The following ZBTB20 variants were observed in gnomAD, a reference collection of about 807,000 sequenced individuals.
ZBTB20 encodes the protein zinc finger and BTB domain-containing protein 20.
A neutral mutation model predicts 56.9 loss-of-function variants in ZBTB20; 9 were observed. The observed-to-expected ratio is 0.16, with a 90% CI of 0.10 to 0.28. The LOEUF is 0.28. Ranked by LOEUF, ZBTB20 falls within the 10% of genes least tolerant of loss-of-function variation. The pLI is 1.00. For missense variants in ZBTB20, 655 were observed against 1,003.0 expected (o/e 0.65, Z 4.69); for synonymous variants, 417 against 420.7 (o/e 0.99, Z 0.11).
rs576755787 is a variant in ZBTB20 at position 114,833,208 on chromosome 3, G to T, written c.-416-32034C>A. On this transcript the variant is annotated intron_variant, in intron 4 of 11. Transcript: ENST00000675478. ...TTTGATTTATTGAAAAGTTATTACA[G>T]TACAACTCAGGTTGCCGAATACTAA... Among the ~76,000 whole-genome samples the T allele has an allele frequency of 4.3e-4, 66 of 152,178 alleles. 1 individual carries two copies. The South Asian group carries it at 0.014, about 32-fold the overall frequency.
At chr3:115,050,430 T>A (rs926777864) in intron 2 of ZBTB20, among the ~76,000 whole-genome samples, 2 of 151,974 alleles carry the variant, frequency 1.3e-5, no homozygotes, top group Non-Finnish European at 2.9e-5. Context: ...GGGGCATGTA[T>A]GACATTTGAT....
chr3:114,721,597 A>G (rs2064917354), intron 5 of ZBTB20, among the ~76,000 whole-genome samples: 4 of 152,128 alleles, frequency 2.6e-5, no homozygotes, highest in African/African-American at 9.7e-5. Context: ...CATTTTACAG[A>G]TAAGGATTAA....
chr3:114,342,535 G>C (rs2079862745), intron 11 of ZBTB20, among the ~76,000 whole-genome samples: 1 of 152,180 alleles, frequency 6.6e-6, no homozygotes, highest in Non-Finnish European at 1.5e-5. Flanking sequence ...CATTTCCTTG[G>C]CTGAGTGACT....
intron 7 of ZBTB20, among the ~76,000 whole-genome samples, chr3:114,414,556 T>A (rs2088319422): frequency 6.6e-6 from 1 of 152,048 alleles, no homozygotes; most frequent in Non-Finnish European, 1.5e-5. Context: ...TAACATATCT[T>A]AGGAGCTCTG....
intron 2 of ZBTB20, among the ~76,000 whole-genome samples, chr3:115,051,734 G>C (rs1576655481): frequency 6.6e-6 from 1 of 152,224 alleles, no homozygotes; most frequent in South Asian, 2.1e-4. Flanking sequence ...TATATTTTCT[G>C]TCTTCATCCA....
intron 2 of ZBTB20, among the ~76,000 whole-genome samples, chr3:115,024,211 C>A (rs13077121): frequency 0.99 from 149,555 of 151,054 alleles, 74,058 homozygotes; most frequent in Middle Eastern, 1. Flanking sequence ...TCCTAGATTC[C>A]AGTTTTTCCT....
At chr3:114,835,551 C>T (rs1347282133) in intron 4 of ZBTB20, among the ~76,000 whole-genome samples, 1 of 152,066 alleles carries the variant, frequency 6.6e-6, no homozygotes, top group Non-Finnish European at 1.5e-5. Flanking sequence ...CTATACAATA[C>T]AATTTAATTT....
chr3:114,693,231 T>C (rs1258823706), intron 6 of ZBTB20, among the ~76,000 whole-genome samples: 1 of 152,164 alleles, frequency 6.6e-6, no homozygotes, highest in Non-Finnish European at 1.5e-5. Flanking sequence ...AATACTTCCA[T>C]CTTGTTTAGC....
At chr3:114,925,129 A>ACC (rs1419044639) in intron 3 of ZBTB20, among the ~76,000 whole-genome samples, 11 of 151,452 alleles carry the variant, frequency 7.3e-5, no homozygotes, top group Non-Finnish European at 8.9e-5. Context: ...AATTACAGGC[A>ACC]CATGCCACCA....
intron 7 of ZBTB20, among the ~76,000 whole-genome samples, chr3:114,393,180 T>C (rs1467526345): frequency 3.9e-5 from 6 of 152,200 alleles, no homozygotes; most frequent in African/African-American, 1.4e-4. Context: ...CTCTTCATTG[T>C]TCTTTCTAAC....
chr3:114,767,671 A>G (rs2068877785), intron 5 of ZBTB20, among the ~76,000 whole-genome samples: 1 of 151,998 alleles, frequency 6.6e-6, no homozygotes, highest in East Asian at 1.9e-4. Context: ...AGGTAAAGCC[A>G]TTATAGAGGT....
intron 1 of ZBTB20, among the ~76,000 whole-genome samples, chr3:115,142,838 A>T (rs1475987548): frequency 6.6e-6 from 1 of 152,136 alleles, no homozygotes; most frequent in African/African-American, 2.4e-5. Context: ...GAAGAGGCTG[A>T]TTATGTTCCA....
intron 3 of ZBTB20, among the ~76,000 whole-genome samples, chr3:114,911,194 C>T (rs368405537): frequency 2.0e-5 from 3 of 151,858 alleles, no homozygotes; most frequent in South Asian, 2.1e-4. Context: ...ACACCCAAGA[C>T]CTAAGAAGGC....
At chr3:115,016,301 CAGA>C (rs2079955464) in intron 2 of ZBTB20, among the ~76,000 whole-genome samples, 1 of 151,958 alleles carries the variant, frequency 6.6e-6, no homozygotes, top group Non-Finnish European at 1.5e-5. Flanking sequence ...TTTTGCTGAG[CAGA>C]AGCTCTTTAG....
intron 7 of ZBTB20, among the ~76,000 whole-genome samples, chr3:114,411,609 G>A (rs1326506621): frequency 6.6e-6 from 1 of 152,140 alleles, no homozygotes; most frequent in African/African-American, 2.4e-5. Flanking sequence ...GCATGCTGGT[G>A]AAAGGCAGGG....
At chr3:114,697,278 C>G (rs2063101320) in intron 5 of ZBTB20, among the ~76,000 whole-genome samples, 1 of 151,944 alleles carries the variant, frequency 6.6e-6, no homozygotes, top group South Asian at 2.1e-4. Context: ...TCATTTCATA[C>G]TTTAAATGTT....
At chr3:115,082,118 T>C (rs1434265551) in intron 1 of ZBTB20, among the ~76,000 whole-genome samples, 3 of 152,342 alleles carry the variant, frequency 2.0e-5, no homozygotes, top group South Asian at 2.1e-4. Context: ...CTATTCCTTA[T>C]GATCAGGGTT....
Position 114,330,386 on chromosome 3 carries a change from A to G in ZBTB20, c.*8619T>C, listed in dbSNP as rs1403420994. On this transcript the variant is annotated 3_prime_UTR_variant, in exon 12 of 12. Coordinates refer to ENST00000675478, the MANE Select transcript of ZBTB20 (RefSeq NM_001348800.3). ...AGTTAAAATGAATATAATGTAATAT[A>G]TATTTCAATATAGAGTTGTTATATA... is the stretch of plus-strand genomic sequence containing the variant. The G allele has an allele frequency of 6.6e-6, 1 of 152,216 alleles. No homozygotes were observed. Among genetic ancestry groups the G allele is most frequent in the Non-Finnish European group, 1.5e-5 (1 of 68,036 alleles). 9.4% of individuals were successfully genotyped at this position (152,216 alleles called of 1,614,324 possible).
intron 10 of ZBTB20, among the ~76,000 whole-genome samples, chr3:114,370,315 C>T (rs764601337): frequency 6.6e-6 from 1 of 152,176 alleles, no homozygotes; most frequent in Non-Finnish European, 1.5e-5. Context: ...GTAATAGTTG[C>T]TTTCCCATTT....
Sources: allele counts gnomAD v4.1 joint callset (sites outside exome capture counted in the v4.1 genomes callset), GRCh38; gene constraint gnomAD v4.1.1; transcripts MANE v1.5; gene names NCBI Gene and HGNC (gene_info 2026-07-23, HGNC 2026-07-21).